The following ASXL2 variants were observed in gnomAD, a reference collection of about 807,000 sequenced individuals.
The protein encoded by ASXL2 is ASXL transcriptional regulator 2.
A neutral mutation model predicts 122.0 loss-of-function variants in ASXL2; 23 were observed. The observed-to-expected ratio is 0.19, with a 90% CI of 0.14 to 0.27. The LOEUF (loss-of-function observed/expected upper bound fraction) is 0.27, where lower values mean the gene tolerates loss of function less well. Among genes scored for constraint, ASXL2 ranks in the 10% least tolerant of loss-of-function variants. The pLI, the probability that ASXL2 is intolerant of heterozygous loss-of-function variation, is 1.00. For missense variants in ASXL2, 1,518 were observed against 1,713.8 expected (o/e 0.89, Z 2.02); for synonymous variants, 650 against 637.0 (o/e 1.02, Z -0.31).
Position 25,743,480 on chromosome 2 carries a change from C to T in ASXL2, c.2857G>A (p.Val953Met). ...TCTTTGCCTTGAAGCAGCTGAGTCA[C>T]TAAAGGATTATTAGCAGGGATACTA... ...TSSIPANNPL[V>M]TQLLQGKDVP... The change falls in exon 13 of 13, where the codon GTG (valine) becomes ATG (methionine). Residue 953 changes from valine (V) to methionine (M), a missense_variant. Around this residue, in one of 8 missense-constraint regions of ASXL2, gnomAD observed 831 missense variants for 833.1 expected, o/e 1.00. Coordinates refer to ENST00000435504, the MANE Select transcript of ASXL2 (RefSeq NM_018263.6). The T allele has an allele frequency of 6.2e-7, 1 of 1,613,782 alleles. No individual in the cohort carries two copies. The highest frequency in any genetic ancestry group is 8.5e-7 in the Non-Finnish European group (1 of 1,179,892).
intron 2 of ASXL2, 54 bp downstream of exon 2, chr2:25,845,427 C>A: frequency 7.5e-7 from 1 of 1,330,876 alleles, no homozygotes; most frequent in Non-Finnish European, 1.0e-6. Flanking sequence ...TATATACTAC[C>A]AAATACTCTG....
chr2:25,771,768 T>C (rs920542541), intron 5 of ASXL2, among the ~76,000 whole-genome samples: 2 of 152,216 alleles, frequency 1.3e-5, no homozygotes, highest in Non-Finnish European at 2.9e-5. Context: ...TTAGTATTCA[T>C]TACTTTTCAT....
chr2:25,762,517 T>C (rs2088272062), intron 8 of ASXL2, among the ~76,000 whole-genome samples: 1 of 151,180 alleles, frequency 6.6e-6, no homozygotes, highest in African/African-American at 2.4e-5. Context: ...AGTAAAAAAT[T>C]AGCCGGGCGT....
intron 3 of ASXL2, chr2:25,810,423 T>C: frequency 1.4e-6 from 1 of 695,654 alleles, no homozygotes; most frequent in Non-Finnish European, 2.6e-6. Context: ...TTTCCGCTTC[T>C]TCCGGCTTTT....
intron 2 of ASXL2, among the ~76,000 whole-genome samples, chr2:25,837,953 CAAAAAA>C (rs34490545): frequency 3.1e-5 from 2 of 65,370 alleles, no homozygotes; most frequent in Non-Finnish European, 6.8e-5. Flanking sequence ...CCTGTCTCTA[CAAAAAA>C]AAAAAAAAAA....
At chr2:25,779,084 A>ATTTTTTTTTTTTT (rs33911748) in intron 5 of ASXL2, among the ~76,000 whole-genome samples, 2 of 99,412 alleles carry the variant, frequency 2.0e-5, no homozygotes, top group African/African-American at 3.9e-5. Context: ...CTTTTTTCTG[A>ATTTTTTTTTTTTT]TTTTTTTTTT....
At chr2:25,827,776 G>A (rs899159918) in intron 3 of ASXL2, among the ~76,000 whole-genome samples, 1 of 152,102 alleles carries the variant, frequency 6.6e-6, no homozygotes, top group Non-Finnish European at 1.5e-5. Flanking sequence ...AGATCTAGTT[G>A]TGGCCCCAAA....
chr2:25,750,338 A>G lies in ASXL2; in HGVS notation c.1218T>C (p.Ala406=), dbSNP rs757292381. Reference sequence around the variant, plus strand: ...ACACAGGCATGGATTTTGGTTGTTCAGCTGGGGTTTTCTTTACTTTGGGAT... The same window carrying G: ...ACACAGGCATGGATTTTGGTTGTTCGGCTGGGGTTTTCTTTACTTTGGGAT... ...PSDPKVKKTP[A]EQPKSMPVSE... The change falls in exon 12 of 13, where the codon GCT becomes GCC. Residue 406 remains alanine, a synonymous_variant. Transcript: ENST00000435504. The G allele has an allele frequency of 6.2e-7, 1 of 1,613,906 alleles. No individual in the cohort carries two copies. The highest frequency in any genetic ancestry group is 8.5e-7 in the Non-Finnish European group (1 of 1,179,860).
chr2:25,824,239 A>C (rs747321757), intron 3 of ASXL2, among the ~76,000 whole-genome samples: 1 of 152,182 alleles, frequency 6.6e-6, no homozygotes, highest in South Asian at 2.1e-4. Context: ...TCAAATAATA[A>C]TACTAAAACT....
At chr2:25,836,515 TTTAGTATAAAG>T (rs2089513677) in intron 2 of ASXL2, among the ~76,000 whole-genome samples, 1 of 152,212 alleles carries the variant, frequency 6.6e-6, no homozygotes, top group African/African-American at 2.4e-5. Context: ...CTGATTGGTT[TTTAGTATAAAG>T]TAAGCTAAAA....
chr2:25,842,095 A>T (rs2089588394), intron 2 of ASXL2, among the ~76,000 whole-genome samples: 1 of 151,552 alleles, frequency 6.6e-6, no homozygotes, highest in Admixed American at 6.6e-5. Flanking sequence ...CTGGGCGACA[A>T]GAGCAAAACT....
chr2:25,872,620 T>C (rs1244359315), intron 1 of ASXL2, among the ~76,000 whole-genome samples: 1 of 152,080 alleles, frequency 6.6e-6, no homozygotes, highest in East Asian at 1.9e-4. Context: ...GTAATACAAA[T>C]ATACAAAGTA....
intron 5 of ASXL2, among the ~76,000 whole-genome samples, chr2:25,797,863 A>G (rs1313426763): frequency 6.6e-6 from 1 of 152,226 alleles, no homozygotes; most frequent in Non-Finnish European, 1.5e-5. Context: ...TAATCATATG[A>G]TCCAGCAATC....
At chr2:25,755,367 T>G (rs192117518) in intron 10 of ASXL2, among the ~76,000 whole-genome samples, 140 of 152,304 alleles carry the variant, frequency 9.2e-4, no homozygotes, top group African/African-American at 3.3e-3. Flanking sequence ...CTGCTAGTAC[T>G]GACAGATACT....
chr2:25,861,730 A>G (rs964866544), intron 1 of ASXL2, among the ~76,000 whole-genome samples: 6 of 152,230 alleles, frequency 3.9e-5, no homozygotes, highest in African/African-American at 1.4e-4. Flanking sequence ...ACGTATTTTC[A>G]ACTTAGGATA....
chr2:25,816,969 G>A (rs559292635), intron 3 of ASXL2, among the ~76,000 whole-genome samples: 1 of 152,202 alleles, frequency 6.6e-6, no homozygotes, highest in East Asian at 1.9e-4. Flanking sequence ...TACTAAAAAT[G>A]CAAAAATTAT....
chr2:25,833,531 T>C (rs1213992473), intron 3 of ASXL2, among the ~76,000 whole-genome samples: 3 of 151,924 alleles, frequency 2.0e-5, no homozygotes, highest in African/African-American at 4.8e-5. Context: ...CCCATCTCTA[T>C]TAAAAATACA....
At position 25,837,968 on chromosome 2, in the gene ASXL2, A is replaced by AC. The variant is rs1403399277; in HGVS notation, c.141-2429_141-2428insG. On this transcript the variant is annotated intron_variant, in intron 2 of 12. Transcript: ENST00000435504. ...CCTGTCTCTACAAAAAAAAAAAAAAAAAAACACAAAAAATTAGCCAAGCAC... is the reference window on the plus strand; with the variant it reads ...CCTGTCTCTACAAAAAAAAAAAAAAACAAAACACAAAAAATTAGCCAAGCAC... Among the ~76,000 whole-genome samples, 5 of 151,788 alleles carry AC rather than the reference A, an allele frequency of 3.3e-5. No homozygotes were observed. In the South Asian group the frequency reaches 1.0e-3, roughly 32 times the overall value.
chr2:25,875,777 T>C (rs944663621), intron 1 of ASXL2, among the ~76,000 whole-genome samples: 17 of 152,196 alleles, frequency 1.1e-4, no homozygotes, highest in African/African-American at 3.9e-4. Flanking sequence ...CTCGAACACT[T>C]GACATCCTAA....
Sources: gnomAD v4.1 joint callset for allele counts (sites outside exome capture counted in the v4.1 genomes callset) on GRCh38, gnomAD v4.1.1 for gene constraint, gnomAD v4.1.1 regional missense constraint, MANE v1.5 for transcripts, NCBI Gene and HGNC (gene_info 2026-07-23, HGNC 2026-07-21) for gene names.